The following LRRC4C variants were observed in gnomAD, a reference collection of about 807,000 sequenced individuals.
LRRC4C encodes the protein leucine rich repeat containing 4C, also known as leucine-rich repeat-containing protein 4C.
A neutral mutation model predicts 33.6 loss-of-function variants in LRRC4C; 5 were observed. The ratio of observed to expected loss-of-function variants is 0.15; its 90% confidence interval spans 0.08 to 0.31. The LOEUF is 0.31. LRRC4C is among the 10% of genes least tolerant of loss of function. LRRC4C has a pLI of 1.00. For synonymous variants in LRRC4C, 329 were observed against 302.0 expected, an observed-to-expected ratio of 1.09 and a Z score of -0.93; for missense variants, 560 against 796.7, an observed-to-expected ratio of 0.70 and a Z score of 3.58.
chr11:41,292,293 T>C (rs1950014519), intron 1 of LRRC4C, among the ~76,000 whole-genome samples: 1 of 152,112 alleles, frequency 6.6e-6, no homozygotes, highest in South Asian at 2.1e-4. Context: ...CCTCTGCTCC[T>C]GGACAAGTTA....
chr11:41,392,134 T>G (rs78850811), intron 1 of LRRC4C, among the ~76,000 whole-genome samples: 3,694 of 151,944 alleles, frequency 0.024, 155 homozygotes, highest in African/African-American at 0.084. Flanking sequence ...CACTATAACA[T>G]GTTTGCTGTG....
intron 3 of LRRC4C, among the ~76,000 whole-genome samples, chr11:40,453,325 G>T (rs1951979818): frequency 6.6e-6 from 1 of 151,990 alleles, no homozygotes; most frequent in Admixed American, 6.6e-5. Context: ...AAATAAAAAA[G>T]TAGTGTATAC....
intron 1 of LRRC4C, among the ~76,000 whole-genome samples, chr11:40,937,267 G>A (rs908219855): frequency 1.4e-5 from 2 of 138,326 alleles, no homozygotes; most frequent in African/African-American, 5.3e-5. Context: ...TAAACATTGA[G>A]CACATAGAGA....
chr11:41,027,205 A>G (rs1747629892), intron 1 of LRRC4C, among the ~76,000 whole-genome samples: 1 of 151,718 alleles, frequency 6.6e-6, no homozygotes, highest in African/African-American at 2.4e-5. Context: ...GACTTAGAAA[A>G]AAAGAAGGAA....
chr11:40,332,783 G>C (rs1032241858), intron 3 of LRRC4C, among the ~76,000 whole-genome samples: 1 of 152,074 alleles, frequency 6.6e-6, no homozygotes, highest in Non-Finnish European at 1.5e-5. Context: ...CTTTCTAGTT[G>C]TTCTGCAACT....
chr11:41,196,100 C>T (rs1156715342), intron 1 of LRRC4C, among the ~76,000 whole-genome samples: 2 of 152,026 alleles, frequency 1.3e-5, no homozygotes, highest in African/African-American at 4.8e-5. Context: ...AATTCCATGA[C>T]ATTTATAAAT....
rs1186980400 is a variant in LRRC4C, at chr11:40,545,750, G to T, written c.-270+102392C>A. On this transcript the variant is annotated intron_variant, in intron 3 of 6. Transcript: ENST00000528697. ...AAGGGAGAGATACCTTTCTGTAAAT[G>T]GAACTTTAGAGTTTCTATGTAGAGA... Among the ~76,000 whole-genome samples, 4 of 152,038 alleles carry T rather than the reference G, an allele frequency of 2.6e-5. No homozygotes were observed. The East Asian group carries it at 7.7e-4, about 29-fold the overall frequency.
intron 3 of LRRC4C, among the ~76,000 whole-genome samples, chr11:40,422,676 C>T (rs1463170570): frequency 1.4e-5 from 2 of 146,782 alleles, no homozygotes; most frequent in African/African-American, 5.0e-5. Flanking sequence ...TACTTAAGCC[C>T]GTTATACTCA....
At chr11:40,829,488 G>T (rs1053470428) in intron 2 of LRRC4C, among the ~76,000 whole-genome samples, 1 of 151,920 alleles carries the variant, frequency 6.6e-6, no homozygotes, top group Non-Finnish European at 1.5e-5. Context: ...CTACATATTT[G>T]TTCTTGAATA....
At chr11:40,149,583 G>A (rs1858019011) in intron 5 of LRRC4C, among the ~76,000 whole-genome samples, 1 of 152,068 alleles carries the variant, frequency 6.6e-6, no homozygotes, top group African/African-American at 2.4e-5. Flanking sequence ...AGGAGCTTTG[G>A]GGCTAAGACT....
At chr11:41,101,211 T>G (rs1169491632) in intron 1 of LRRC4C, among the ~76,000 whole-genome samples, 2 of 151,964 alleles carry the variant, frequency 1.3e-5, no homozygotes, top group African/African-American at 4.8e-5. Context: ...ACAGAGTAAA[T>G]AGGCCACCTA....
At chr11:40,261,726 C>T (rs1941849223) in intron 4 of LRRC4C, among the ~76,000 whole-genome samples, 7 of 152,038 alleles carry the variant, frequency 4.6e-5, no homozygotes, top group Admixed American at 4.6e-4. Context: ...TTGACAAAAA[C>T]AAGCAATGGG....
intron 3 of LRRC4C, among the ~76,000 whole-genome samples, chr11:40,517,793 G>A (rs1192007472): frequency 4.0e-5 from 6 of 149,698 alleles, no homozygotes; most frequent in East Asian, 1.9e-4. Context: ...AAAAGAGCCC[G>A]CAGAGCCCAG....
intron 1 of LRRC4C, among the ~76,000 whole-genome samples, chr11:41,134,596 A>G (rs560406188): frequency 2.6e-5 from 4 of 152,204 alleles, no homozygotes; most frequent in African/African-American, 7.2e-5. Context: ...ATTGTCTCAT[A>G]CCTCTGGAGG....
intron 5 of LRRC4C, among the ~76,000 whole-genome samples, chr11:40,196,806 T>C (rs571803057): frequency 6.6e-6 from 1 of 152,330 alleles, no homozygotes; most frequent in South Asian, 2.1e-4. Context: ...TATACAAATG[T>C]AATTACAATC....
At chr11:40,721,802 G>A (rs553575893) in intron 2 of LRRC4C, among the ~76,000 whole-genome samples, 11 of 152,140 alleles carry the variant, frequency 7.2e-5, no homozygotes, top group African/African-American at 2.4e-4. Context: ...TTAGCCGGGC[G>A]CGGTGGTGGG....
chr11:41,401,404 G>C (rs2138108053), intron 1 of LRRC4C, among the ~76,000 whole-genome samples: 1 of 151,848 alleles, frequency 6.6e-6, no homozygotes, highest in Non-Finnish European at 1.5e-5. Context: ...TTTTCTTCTT[G>C]TTTTCCATTT....
At position 40,936,696 on chromosome 11, in the gene LRRC4C, T is replaced by C. The variant is rs182667018; in HGVS notation, c.-495-2973A>G. The stretch of plus-strand genomic sequence containing the variant: ...GGCACTACATTAACTGGTAACATCA[T>C]GTATTATTTTATTTAATTCTCAACG... On this transcript the variant is annotated intron_variant, in intron 1 of 6. Transcript: ENST00000528697. Among the ~76,000 whole-genome samples the C allele has an allele frequency of 3.1e-3, 473 of 152,242 alleles. 2 individuals are homozygous for C. Among genetic ancestry groups the C allele is most frequent in the Non-Finnish European group, 4.8e-3 (326 of 68,012 alleles).
intron 3 of LRRC4C, among the ~76,000 whole-genome samples, chr11:40,622,610 A>G (rs1190392334): frequency 6.6e-6 from 1 of 151,920 alleles, no homozygotes; most frequent in Non-Finnish European, 1.5e-5. Context: ...TTCAGTTTCT[A>G]AAACCATACT....
Sources: allele counts gnomAD v4.1 joint callset (sites outside exome capture counted in the v4.1 genomes callset), GRCh38; gene constraint gnomAD v4.1.1; transcripts MANE v1.5; gene names NCBI Gene and HGNC (gene_info 2026-07-23, HGNC 2026-07-21).